The following PRAG1 variants were observed in gnomAD, a reference collection of about 807,000 sequenced individuals.
The protein encoded by PRAG1 is PEAK1 related, kinase-activating pseudokinase 1.
A neutral mutation model predicts 95.6 loss-of-function variants in PRAG1; 110 were observed. That is an observed-to-expected ratio of 1.15 (90% CI 0.99 to 1.35). The LOEUF is 1.35. Among genes scored for constraint, PRAG1 ranks in the 40% most tolerant of loss-of-function variants. PRAG1 has a pLI of 0.00. For missense variants in PRAG1, 2,554 were observed against 1,864.7 expected, an observed-to-expected ratio of 1.37 and a Z score of -6.81; for synonymous variants, 1,052 against 819.4, an observed-to-expected ratio of 1.28 and a Z score of -4.85.
chr8:8,322,927 G>A (rs1159927851), intron 5 of PRAG1, among the ~76,000 whole-genome samples: 1 of 152,148 alleles, frequency 6.6e-6, no homozygotes, highest in Admixed American at 6.5e-5. Flanking sequence ...ACCACTTTGG[G>A]AACATGGTCT....
At chr8:8,324,183 G>C (rs1016490366) in intron 5 of PRAG1, among the ~76,000 whole-genome samples, 2 of 152,210 alleles carry the variant, frequency 1.3e-5, no homozygotes, top group Non-Finnish European at 2.9e-5. Context: ...TGGCCTGCAG[G>C]TATTGTGCAA....
chr8:8,374,993 C>T (rs1800331210), intron 3 of PRAG1, among the ~76,000 whole-genome samples: 1 of 151,904 alleles, frequency 6.6e-6, no homozygotes, highest in Admixed American at 6.6e-5. Context: ...GTAGGTTTCT[C>T]CTTTTCCTAA....
In PRAG1 at chr8:8,318,832, G is replaced by A. The variant is rs753762952; in HGVS notation, c.3543C>T (p.Cys1181=). 9.3e-6 allele frequency: 12 copies of A among 1,289,828 alleles called. No individual in the cohort carries two copies. In the South Asian group the frequency reaches 2.3e-4, roughly 24 times the overall value. The allele number at this position is 1,289,828 out of a possible 1,614,324, so 79.9% of individuals were successfully genotyped here. The change falls in exon 6 of 6, where the codon TGC becomes TGT. Residue 1181 remains cysteine, a synonymous_variant. Coordinates refer to ENST00000615670, the MANE Select transcript of PRAG1 (RefSeq NM_001080826.3). This position sits in a 1 kb window ranked among gnomAD's most constrained non-coding sequence, Gnocchi z 4.2. The stretch of plus-strand genomic sequence containing the variant: ...CACCAGCAGGCGGGGCGGCAGAGGA[G>A]CAGGGAGGCGCGGCGGCGGCGGGGG... ...APAPAAAAPP[C]SSAAPPAGGT...
intron 1 of PRAG1, among the ~76,000 whole-genome samples, chr8:8,382,665 C>A (rs2116952690): frequency 6.6e-6 from 1 of 152,300 alleles, no homozygotes; most frequent in Admixed American, 6.5e-5. Flanking sequence ...TCAAAAAATT[C>A]ATTGCTTCTT....
At chr8:8,350,200 G>A (rs1198155150) in intron 3 of PRAG1, among the ~76,000 whole-genome samples, 2 of 152,310 alleles carry the variant, frequency 1.3e-5, no homozygotes, top group Admixed American at 6.5e-5. Context: ...AGAAGTGCTG[G>A]GCTGCCTGGT....
At position 8,332,163 on chromosome 8, in the gene PRAG1, ATTTT is replaced by A. The variant is rs35335829; in HGVS notation, c.2321-3706_2321-3703del. ...CTGGGCATTATCTACACATATTACGATTTTTTTTTTTTTTTTTGATGAAGTTTTG... is the reference window on the plus strand; with the variant it reads ...CTGGGCATTATCTACACATATTACGATTTTTTTTTTTTTGATGAAGTTTTG... On this transcript the variant is annotated intron_variant, in intron 4 of 5. Transcript: ENST00000615670. 1.2e-3 allele frequency among the ~76,000 whole-genome samples: 164 copies of A among 136,884 alleles called. 2 individuals are homozygous for A. Among genetic ancestry groups the A allele is most frequent in the African/African-American group, 4.2e-3 (150 of 35,752 alleles). The allele number at this position is 136,884 out of a possible 152,430, so 89.8% of individuals were successfully genotyped here.
rs749210812 is a variant in PRAG1 at position 8,377,667 on chromosome 8, T to C, written c.742A>G (p.Ser248Gly). The C allele has an allele frequency of 1.2e-6, 2 of 1,613,692 alleles. No individual in the cohort carries two copies. Among genetic ancestry groups the C allele is most frequent in the Admixed American group, 3.3e-5 (2 of 60,002 alleles). Reference protein sequence around the residue: ...SDQRCSPSGDSEGGEYCSILD... With the variant: ...SDQRCSPSGDGEGGEYCSILD... The stretch of plus-strand genomic sequence containing the variant: ...ATGGAGCAGTACTCTCCACCCTCGC[T>C]GTCCCCGGAGGGCGAGCACCTTTGA... Residue 248 changes from serine (S) to glycine (G), a missense_variant, in exon 3 of 6, where the codon AGC becomes GGC. Ser to Gly is a moderately conservative substitution (Grantham distance 56). Coordinates refer to ENST00000615670, the MANE Select transcript of PRAG1 (RefSeq NM_001080826.3).
intron 2 of PRAG1, among the ~76,000 whole-genome samples, chr8:8,379,973 G>A (rs1490195577): frequency 6.6e-6 from 1 of 152,222 alleles, no homozygotes. Context: ...AGGCATGGTG[G>A]CTTATGCCTA....
At chr8:8,367,566 G>T (rs914745720) in intron 3 of PRAG1, among the ~76,000 whole-genome samples, 1 of 149,330 alleles carries the variant, frequency 6.7e-6, no homozygotes, top group Non-Finnish European at 1.5e-5. Context: ...TTTTCTTCGT[G>T]ACCTTCAAGG....
At chr8:8,366,944 A>G (rs1800027421) in intron 3 of PRAG1, among the ~76,000 whole-genome samples, 1 of 152,126 alleles carries the variant, frequency 6.6e-6, no homozygotes, top group Admixed American at 6.6e-5. Flanking sequence ...AATGGCTAGG[A>G]TTACAGGTAT....
At chr8:8,333,809 T>C (rs1798897066) in intron 4 of PRAG1, among the ~76,000 whole-genome samples, 2 of 152,190 alleles carry the variant, frequency 1.3e-5, no homozygotes, top group South Asian at 4.1e-4. Flanking sequence ...GTTTGACCAT[T>C]CTCCAACTTT....
chr8:8,318,844 G>C lies in PRAG1; in HGVS notation c.3531C>G (p.Ala1177=). The C allele has an allele frequency of 2.4e-6, 3 of 1,233,630 alleles. No individual in the cohort carries two copies. The highest frequency in any genetic ancestry group is 3.1e-6 in the Non-Finnish European group (3 of 978,654). 76.4% of individuals were successfully genotyped at this position (1,233,630 alleles called of 1,614,324 possible). A position where few individuals can be genotyped will look rare whatever the true frequency, so the allele number is the denominator to read the frequency against. Reference sequence around the variant, plus strand: ...GGGCGGCAGAGGAGCAGGGAGGCGCGGCGGCGGCGGGGGCGGGAGCCGGGG... The same window carrying C: ...GGGCGGCAGAGGAGCAGGGAGGCGCCGCGGCGGCGGGGGCGGGAGCCGGGG... ...APAPAPAPAA[A]APPCSSAAPP... Residue 1177 remains alanine, a synonymous_variant, in exon 6 of 6, where the codon GCC becomes GCG. Coordinates refer to ENST00000615670, the MANE Select transcript of PRAG1 (RefSeq NM_001080826.3). The surrounding 1 kb of genome is among the most constrained non-coding windows in gnomAD (Gnocchi z 4.2).
At chr8:8,349,928 A>AAAC (rs1799464376) in intron 3 of PRAG1, among the ~76,000 whole-genome samples, 1 of 107,758 alleles carries the variant, frequency 9.3e-6, no homozygotes, top group South Asian at 3.5e-4. Context: ...AAGATAGGAA[A>AAAC]ATACACACAC....
At chr8:8,378,793 G>A (rs898709433) in intron 2 of PRAG1, among the ~76,000 whole-genome samples, 5 of 151,974 alleles carry the variant, frequency 3.3e-5, no homozygotes, top group African/African-American at 1.2e-4. Context: ...CCCAGGAGGC[G>A]GAGGTTGCAG....
chr8:8,337,486 GAA>G (rs1259602371), intron 4 of PRAG1, among the ~76,000 whole-genome samples: 2 of 152,022 alleles, frequency 1.3e-5, no homozygotes, highest in Non-Finnish European at 2.9e-5. Flanking sequence ...GAGAGAGAGA[GAA>G]AGAGAGAGAG....
chr8:8,384,381 G>A (rs990077109), intron 1 of PRAG1, among the ~76,000 whole-genome samples: 2 of 151,920 alleles, frequency 1.3e-5, no homozygotes, highest in East Asian at 1.9e-4. Context: ...ATCAGTTTAC[G>A]AGCACTCTTT....
At chr8:8,371,370 C>T (rs1379564437) in intron 3 of PRAG1, among the ~76,000 whole-genome samples, 2 of 151,762 alleles carry the variant, frequency 1.3e-5, no homozygotes, top group Non-Finnish European at 1.5e-5. Flanking sequence ...ACGTCATTCT[C>T]CTGCCTCAGC....
rs1225640527 is a variant in PRAG1 at position 8,381,817 on chromosome 8, G to A, written c.-70C>T. 5.3e-6 allele frequency: 7 copies of A among 1,324,056 alleles called. No homozygotes were observed. Among genetic ancestry groups the A allele is most frequent in the South Asian group, 1.5e-5 (1 of 65,646 alleles). The allele number at this position is 1,324,056 out of a possible 1,614,324, so 82.0% of individuals were successfully genotyped here. A position where few individuals can be genotyped will look rare whatever the true frequency, so the allele number is the denominator to read the frequency against. ...GTGCAGTTTTGTGGGATTCAGAGGT[G>A]GGTCACAGAGCGGCTTCCTAGAAAG... On this transcript the variant is annotated 5_prime_UTR_variant, in exon 2 of 6. Transcript: ENST00000615670.
chr8:8,368,836 G>GA (rs1316265214), intron 3 of PRAG1, among the ~76,000 whole-genome samples: 1,868 of 139,294 alleles, frequency 0.013, 37 homozygotes, highest in African/African-American at 0.046. Flanking sequence ...CTCTCTGGTG[G>GA]AAAAAAAAAA....
Sources: allele counts gnomAD v4.1 joint callset (sites outside exome capture counted in the v4.1 genomes callset), GRCh38; gene constraint gnomAD v4.1.1; non-coding constraint Gnocchi (gnomAD v3.1); transcripts MANE v1.5; gene names NCBI Gene and HGNC (gene_info 2026-07-23, HGNC 2026-07-21).